The following BICC1 variants were observed in gnomAD, a reference collection of about 807,000 sequenced individuals.
BICC1 encodes protein bicaudal C homolog 1.
In BICC1, 43 loss-of-function variants were observed where a neutral mutation model predicts 111.0. That is an observed-to-expected ratio of 0.39 (90% CI 0.30 to 0.50). BICC1 has a LOEUF of 0.50. Ranked by LOEUF, BICC1 falls within the 20% of genes least tolerant of loss-of-function variation. The probability of loss-of-function intolerance (pLI) is 0.88; values close to 1 mark genes in which losing one functional copy is unlikely to be tolerated. For missense variants in BICC1, 1,091 were observed against 1,203.2 expected (o/e 0.91, Z 1.38); for synonymous variants, 467 against 434.4 (o/e 1.07, Z -0.93).
chr10:58,651,216 G>C (rs1419531234), intron 2 of BICC1, among the ~76,000 whole-genome samples: 3 of 152,162 alleles, frequency 2.0e-5, no homozygotes, highest in Admixed American at 2.0e-4. Context: ...TACTTCCTCT[G>C]CACAGTGAGA....
intron 1 of BICC1, among the ~76,000 whole-genome samples, chr10:58,519,136 C>T (rs533184701): frequency 6.6e-6 from 1 of 152,308 alleles, no homozygotes; most frequent in East Asian, 1.9e-4. Flanking sequence ...CGTGTCTTCC[C>T]TCTTCCCTGC....
At chr10:58,796,565 G>C (rs1344115187) in intron 10 of BICC1, 39 bp downstream of exon 10, 1 of 1,553,976 alleles carries the variant, frequency 6.4e-7, no homozygotes, top group Admixed American at 1.9e-5. Context: ...CAGTCACTGG[G>C]GAAATGCTTG....
intron 1 of BICC1, among the ~76,000 whole-genome samples, chr10:58,564,565 C>T (rs1843700016): frequency 6.6e-6 from 1 of 152,156 alleles, no homozygotes; most frequent in Non-Finnish European, 1.5e-5. Flanking sequence ...TCTACCTTTT[C>T]CCCTTGGACA....
intron 3 of BICC1, among the ~76,000 whole-genome samples, chr10:58,730,183 AG>A (rs1841243801): frequency 6.6e-6 from 1 of 152,210 alleles, no homozygotes; most frequent in East Asian, 1.9e-4. Flanking sequence ...CAGTTCCAAA[AG>A]GTAGAAAACA....
chr10:58,802,292 T>G (rs1388308103), intron 14 of BICC1, among the ~76,000 whole-genome samples: 1 of 152,230 alleles, frequency 6.6e-6, no homozygotes, highest in Admixed American at 6.5e-5. Flanking sequence ...TCATTGTCCC[T>G]CTTTTTGTAT....
chr10:58,747,486 AT>A (rs1387951684), intron 3 of BICC1, among the ~76,000 whole-genome samples: 1 of 152,078 alleles, frequency 6.6e-6, no homozygotes, highest in Non-Finnish European at 1.5e-5. Flanking sequence ...ATTATTTTTG[AT>A]TGAAAAATTA....
At chr10:58,608,690 G>T (rs1845314902) in intron 1 of BICC1, among the ~76,000 whole-genome samples, 1 of 152,040 alleles carries the variant, frequency 6.6e-6, no homozygotes, top group African/African-American at 2.4e-5. Context: ...GTGCTGCTTT[G>T]CATATTTCAG....
intron 1 of BICC1, among the ~76,000 whole-genome samples, chr10:58,517,038 A>G (rs1842260606): frequency 6.6e-6 from 1 of 152,186 alleles, no homozygotes; most frequent in Non-Finnish European, 1.5e-5. Context: ...ATATATGTGT[A>G]CTATAAAATT....
At chr10:58,800,123 A>T in intron 12 of BICC1, 71 bp from the exon 13 acceptor site, 1 of 1,243,684 alleles carries the variant, frequency 8.0e-7, no homozygotes, top group Non-Finnish European at 1.1e-6. Context: ...TATAAATGGG[A>T]TTGTGTTCTT....
intron 1 of BICC1, among the ~76,000 whole-genome samples, chr10:58,522,343 A>G (rs998519605): frequency 6.6e-6 from 1 of 152,168 alleles, no homozygotes; most frequent in Non-Finnish European, 1.5e-5. Flanking sequence ...AACAGAAATT[A>G]TAACAAACTG....
chr10:58,636,022 G>A (rs957229386), intron 2 of BICC1, among the ~76,000 whole-genome samples: 1 of 152,134 alleles, frequency 6.6e-6, no homozygotes, highest in Non-Finnish European at 1.5e-5. Flanking sequence ...CTTGTTATGA[G>A]TTGATACACT....
chr10:58,787,212 G>T (rs986493994), intron 5 of BICC1, 131 bp downstream of exon 5: 11 of 757,872 alleles, frequency 1.5e-5, no homozygotes, highest in African/African-American at 1.9e-5. Flanking sequence ...AGTGTAGATT[G>T]TACAACTTTC....
At chr10:58,716,339 A>T (rs1245613897) in intron 3 of BICC1, 2 of 1,396,942 alleles carry the variant, frequency 1.4e-6, no homozygotes, top group African/African-American at 2.9e-5. Flanking sequence ...TGTCTGAGGA[A>T]ATTTCAACTG....
intron 1 of BICC1, among the ~76,000 whole-genome samples, chr10:58,565,726 A>G (rs1376447256): frequency 6.6e-6 from 1 of 152,158 alleles, no homozygotes. Context: ...TGATCTATGA[A>G]GGAAGGGGTA....
At chr10:58,717,977 G>A (rs57457580) in intron 3 of BICC1, among the ~76,000 whole-genome samples, 10 of 152,154 alleles carry the variant, frequency 6.6e-5, no homozygotes, top group Non-Finnish European at 1.3e-4. Context: ...ACCTCATGTT[G>A]TCATATGCAC....
At chr10:58,696,635 G>A (rs146390926) in intron 2 of BICC1, among the ~76,000 whole-genome samples, 130 of 152,296 alleles carry the variant, frequency 8.5e-4, no homozygotes, top group Non-Finnish European at 1.5e-3. Flanking sequence ...TAAGAGAGCA[G>A]CTAAGGAACC....
At chr10:58,818,858 A>G (rs1003203293) in intron 19 of BICC1, among the ~76,000 whole-genome samples, 3 of 152,122 alleles carry the variant, frequency 2.0e-5, no homozygotes, top group Non-Finnish European at 2.9e-5. Flanking sequence ...CCAGGCACAG[A>G]AGGTCAAAAA....
chr10:58,590,223 A>C (rs1445232315), intron 1 of BICC1, among the ~76,000 whole-genome samples: 1 of 152,180 alleles, frequency 6.6e-6, no homozygotes, highest in Non-Finnish European at 1.5e-5. Flanking sequence ...TAAGTTGCCA[A>C]AACCAGTGCT....
intron 20 of BICC1, among the ~76,000 whole-genome samples, chr10:58,822,852 T>C (rs1024590266): frequency 6.6e-6 from 1 of 152,174 alleles, no homozygotes; most frequent in Non-Finnish European, 1.5e-5. Flanking sequence ...CACATTTGTC[T>C]TATGGTTATA....
Sources: gnomAD v4.1 joint callset for allele counts (sites outside exome capture counted in the v4.1 genomes callset) on GRCh38, gnomAD v4.1.1 for gene constraint, MANE v1.5 for transcripts, NCBI Gene and HGNC (gene_info 2026-07-23, HGNC 2026-07-21) for gene names.